GRM5: variants seen among roughly 807,000 people sequenced by gnomAD.
GRM5 encodes metabotropic glutamate receptor 5.
Under a neutral mutation model 83.1 loss-of-function variants are expected in GRM5, and 19 were observed. That is an observed-to-expected ratio of 0.23 (90% CI 0.16 to 0.34). The LOEUF is 0.34. Among genes scored for constraint, GRM5 ranks in the 10% least tolerant of loss-of-function variants. The pLI is 1.00. For missense variants in GRM5, 1,160 were observed against 1,588.3 expected, an observed-to-expected ratio of 0.73 and a Z score of 4.58; for synonymous variants, 675 against 633.6, an observed-to-expected ratio of 1.07 and a Z score of -0.98.
intron 2 of GRM5, among the ~76,000 whole-genome samples, chr11:89,026,949 G>T (rs553118856): frequency 6.6e-6 from 1 of 152,134 alleles, no homozygotes; most frequent in African/African-American, 2.4e-5. Context: ...TCAAATGATT[G>T]CACATGGGAC....
intron 4 of GRM5, among the ~76,000 whole-genome samples, chr11:88,615,887 T>C (rs1168334576): frequency 6.6e-6 from 1 of 152,058 alleles, no homozygotes; most frequent in African/African-American, 2.4e-5. Context: ...CACACATGGC[T>C]GAAGGGGGTG....
chr11:88,689,741 T>C (rs1211821447), intron 3 of GRM5, among the ~76,000 whole-genome samples: 2 of 152,152 alleles, frequency 1.3e-5, no homozygotes, highest in African/African-American at 2.4e-5. Flanking sequence ...GTGTCTGACG[T>C]CAGTTCATGA....
intron 2 of GRM5, among the ~76,000 whole-genome samples, chr11:88,861,024 TAGA>T (rs1944553250): frequency 6.6e-6 from 1 of 152,200 alleles, no homozygotes; most frequent in African/African-American, 2.4e-5. Flanking sequence ...GTTAAAATGA[TAGA>T]AGTTTAGATA....
At chr11:88,917,592 C>A (rs1304870003) in intron 2 of GRM5, among the ~76,000 whole-genome samples, 1 of 152,042 alleles carries the variant, frequency 6.6e-6, no homozygotes, top group Non-Finnish European at 1.5e-5. Flanking sequence ...CAGGACATTA[C>A]AGAGAAGAAA....
chr11:88,519,794 T>C (rs1453946840), intron 9 of GRM5, among the ~76,000 whole-genome samples: 1 of 152,166 alleles, frequency 6.6e-6, no homozygotes, highest in Non-Finnish European at 1.5e-5. Flanking sequence ...CTTTCTAAAC[T>C]GGGTGGCCTT....
intron 9 of GRM5, chr11:88,511,866 A>G (rs1291633504): frequency 6.6e-6 from 1 of 152,220 alleles, no homozygotes; most frequent in Non-Finnish European, 1.5e-5. Context: ...GATAAGAAAC[A>G]GGTGTTTCGA....
rs1411128071 is a variant in GRM5 at position 88,772,784 on chromosome 11, CT to C, written c.911+77121del. On this transcript the variant is annotated intron_variant, in intron 3 of 9. Transcript: ENST00000305447. ...TCCCTACAAAGGACATGAACTCATC[CT>C]TTTTTATGGCTGCATAGTATTCCAT... is the stretch of plus-strand genomic sequence containing the variant. 3.3e-5 allele frequency among the ~76,000 whole-genome samples: 5 copies of C among 152,138 alleles called. No individual in the cohort carries two copies. In the South Asian group the frequency reaches 1.0e-3, roughly 32 times the overall value.
chr11:89,059,436 C>T (rs1435149504), intron 1 of GRM5, among the ~76,000 whole-genome samples: 5 of 152,026 alleles, frequency 3.3e-5, no homozygotes, highest in Non-Finnish European at 7.4e-5. Flanking sequence ...GGAAGGGATG[C>T]TGACTCAAAA....
intron 2 of GRM5, among the ~76,000 whole-genome samples, chr11:88,891,252 T>C (rs1357041307): frequency 1.3e-5 from 2 of 152,078 alleles, no homozygotes; most frequent in South Asian, 2.1e-4. Flanking sequence ...TTGAGCAGGA[T>C]TTTTATGTAA....
intron 3 of GRM5, among the ~76,000 whole-genome samples, chr11:88,665,837 A>AG (rs920557611): frequency 1.7e-5 from 2 of 115,132 alleles, no homozygotes; most frequent in Admixed American, 1.0e-4. Context: ...GCCAGTACTG[A>AG]GGGGGCCATG....
intron 2 of GRM5, among the ~76,000 whole-genome samples, chr11:88,902,386 G>A (rs536675710): frequency 3.2e-4 from 49 of 152,252 alleles, no homozygotes; most frequent in Non-Finnish European, 5.7e-4. Flanking sequence ...AGGCTTTTGT[G>A]AGGATTAAGT....
intron 3 of GRM5, among the ~76,000 whole-genome samples, chr11:88,768,481 G>A (rs1020167240): frequency 6.6e-6 from 1 of 151,812 alleles, no homozygotes; most frequent in African/African-American, 2.4e-5. Flanking sequence ...AGGTATAGAG[G>A]TTCACTTTTA....
In GRM5 at chr11:88,944,203, C is replaced by A. The variant is rs374037703; in HGVS notation, c.662-94048G>T. Among the ~76,000 whole-genome samples, 3 of 151,724 alleles carry A rather than the reference C, an allele frequency of 2.0e-5. No individual in the cohort carries two copies. The Admixed American group carries it at 2.0e-4, about 10-fold the overall frequency. ...AGACGCAAACAGGCTAAACTTGAAG[C>A]CAGAAAAATAGAGAGAAGCCAGATT... On this transcript the variant is annotated intron_variant, in intron 2 of 9. Transcript: ENST00000305447.
intron 3 of GRM5, among the ~76,000 whole-genome samples, chr11:88,683,239 G>T (rs531292291): frequency 2.6e-5 from 4 of 152,114 alleles, no homozygotes; most frequent in South Asian, 2.1e-4. Context: ...TTCATTAATG[G>T]TATTGTCAAT....
At chr11:88,835,554 G>A (rs1000570727) in intron 3 of GRM5, among the ~76,000 whole-genome samples, 2 of 152,152 alleles carry the variant, frequency 1.3e-5, no homozygotes, top group African/African-American at 4.8e-5. Flanking sequence ...AAATTACGGA[G>A]TGGAATATGA....
At chr11:88,571,090 A>G (rs1014678957) in intron 7 of GRM5, among the ~76,000 whole-genome samples, 1 of 152,112 alleles carries the variant, frequency 6.6e-6, no homozygotes, top group African/African-American at 2.4e-5. Flanking sequence ...ATTTTACCCC[A>G]GTTTTTCCTA....
intron 2 of GRM5, among the ~76,000 whole-genome samples, chr11:88,988,880 C>T (rs1242217530): frequency 2.0e-5 from 3 of 147,280 alleles, no homozygotes; most frequent in Non-Finnish European, 4.5e-5. Flanking sequence ...TGGAAAGGAA[C>T]AACCGGTACC....
At chr11:88,981,767 T>C (rs1314012756) in intron 2 of GRM5, among the ~76,000 whole-genome samples, 1 of 152,216 alleles carries the variant, frequency 6.6e-6, no homozygotes. Context: ...CAAATTCTGG[T>C]TACCTTCTAT....
At chr11:88,970,632 G>C (rs767301169) in intron 2 of GRM5, among the ~76,000 whole-genome samples, 6 of 152,192 alleles carry the variant, frequency 3.9e-5, no homozygotes, top group Non-Finnish European at 7.3e-5. Context: ...ATGCCCAGTG[G>C]GGACAGAGAA....
Sources: gnomAD v4.1 joint callset for allele counts (sites outside exome capture counted in the v4.1 genomes callset) on GRCh38, gnomAD v4.1.1 for gene constraint, MANE v1.5 for transcripts, NCBI Gene and HGNC (gene_info 2026-07-23, HGNC 2026-07-21) for gene names.